Variants in PCSK5 observed in about 807,000 individuals in gnomAD.
The protein encoded by PCSK5 is prohormone convertase 5.
PCSK5 carries 129 observed loss-of-function variants against 233.2 expected under a neutral mutation model. The observed-to-expected ratio is 0.55, with a 90% CI of 0.48 to 0.64. PCSK5 has a LOEUF of 0.64. PCSK5 is among the 30% of genes least tolerant of loss of function. The probability of loss-of-function intolerance (pLI) is 0.00; values close to 1 mark genes in which losing one functional copy is unlikely to be tolerated. For missense variants in PCSK5, 2,076 were observed against 2,430.1 expected (o/e 0.85, Z 3.06); for synonymous variants, 825 against 879.2 (o/e 0.94, Z 1.09).
chr9:76,116,852 G>A (rs573877008), intron 9 of PCSK5, among the ~76,000 whole-genome samples: 1 of 152,170 alleles, frequency 6.6e-6, no homozygotes, highest in Admixed American at 6.6e-5. Flanking sequence ...ACTGTAACGG[G>A]ACATGGTTAA....
At chr9:75,968,538 C>T (rs376526957) in intron 2 of PCSK5, among the ~76,000 whole-genome samples, 4 of 152,162 alleles carry the variant, frequency 2.6e-5, no homozygotes, top group African/African-American at 9.7e-5. Context: ...CAGAGATAAA[C>T]ATAGTGTGCT....
At chr9:76,098,753 A>C (rs1196606964) in intron 8 of PCSK5, among the ~76,000 whole-genome samples, 1 of 152,234 alleles carries the variant, frequency 6.6e-6, no homozygotes, top group Non-Finnish European at 1.5e-5. Flanking sequence ...TCAAAGAAGA[A>C]GGAAAGGTGG....
At chr9:75,950,211 T>C (rs185065301) in intron 2 of PCSK5, among the ~76,000 whole-genome samples, 1 of 151,518 alleles carries the variant, frequency 6.6e-6, no homozygotes, top group East Asian at 1.9e-4. Context: ...GGCCTTTTAT[T>C]TATTTGTTTT....
intron 3 of PCSK5, among the ~76,000 whole-genome samples, chr9:76,022,229 C>T (rs1278379039): frequency 6.6e-6 from 1 of 152,182 alleles, no homozygotes; most frequent in African/African-American, 2.4e-5. Flanking sequence ...TTCTGTGTCT[C>T]GCCTTTAGGA....
intron 20 of PCSK5, chr9:76,195,561 A>G (rs969392838): frequency 9.2e-5 from 14 of 152,174 alleles, no homozygotes; most frequent in Non-Finnish European, 1.9e-4. Context: ...TAATGCTTTC[A>G]AAGTTTAAGT....
intron 1 of PCSK5, among the ~76,000 whole-genome samples, chr9:75,899,521 C>A (rs1825939859): frequency 6.6e-6 from 1 of 152,130 alleles, no homozygotes; most frequent in Admixed American, 6.5e-5. Flanking sequence ...TACCCTTTGA[C>A]CTACATCTCC....
intron 20 of PCSK5, among the ~76,000 whole-genome samples, chr9:76,192,282 G>GAATC (rs1824430576): frequency 6.6e-6 from 1 of 152,058 alleles, no homozygotes; most frequent in South Asian, 2.1e-4. Flanking sequence ...GGGAAAAGAA[G>GAATC]AATCATATCT....
chr9:76,275,945 C>G (rs1015535176), intron 24 of PCSK5, among the ~76,000 whole-genome samples: 2 of 152,206 alleles, frequency 1.3e-5, no homozygotes, highest in Non-Finnish European at 2.9e-5. Context: ...ATACTCGTTA[C>G]AGTATCCAAA....
chr9:76,171,907 G>T (rs1342580765), intron 13 of PCSK5, among the ~76,000 whole-genome samples: 2 of 152,118 alleles, frequency 1.3e-5, no homozygotes, highest in East Asian at 3.9e-4. Flanking sequence ...CTTTAGTAAG[G>T]GACTTTGAGT....
intron 1 of PCSK5, among the ~76,000 whole-genome samples, chr9:75,896,756 T>C (rs568155265): frequency 6.6e-6 from 1 of 152,286 alleles, no homozygotes; most frequent in South Asian, 2.1e-4. Context: ...TACACAGATA[T>C]GTATGTGTGT....
intron 1 of PCSK5, among the ~76,000 whole-genome samples, chr9:75,929,564 C>T (rs1419166993): frequency 6.6e-6 from 1 of 152,076 alleles, no homozygotes; most frequent in Admixed American, 6.6e-5. Context: ...CCTCTCCCTC[C>T]AGCTGCAGTA....
At chr9:76,063,117 C>T (rs925366403) in intron 5 of PCSK5, among the ~76,000 whole-genome samples, 12 of 151,348 alleles carry the variant, frequency 7.9e-5, no homozygotes, top group African/African-American at 2.7e-4. Flanking sequence ...CTGAGAATGT[C>T]AGGATTTAAT....
chr9:76,254,301 T>C (rs994207521), intron 24 of PCSK5, among the ~76,000 whole-genome samples: 13 of 152,218 alleles, frequency 8.5e-5, no homozygotes, highest in African/African-American at 3.1e-4. Context: ...GTTGCTGGCA[T>C]ATTCTGAGCT....
chr9:76,118,680 G>T (rs1210538073), intron 9 of PCSK5, among the ~76,000 whole-genome samples: 1 of 150,870 alleles, frequency 6.6e-6, no homozygotes, highest in Non-Finnish European at 1.5e-5. Context: ...GTATTATTTT[G>T]ATAATATCTT....
intron 7 of PCSK5, among the ~76,000 whole-genome samples, chr9:76,081,416 T>C (rs1018909181): frequency 1.3e-5 from 2 of 151,982 alleles, no homozygotes; most frequent in African/African-American, 2.4e-5. Flanking sequence ...ATTGCGCCAT[T>C]GCACTCCAGC....
chr9:76,109,099 G>A (rs1363483332), intron 9 of PCSK5, among the ~76,000 whole-genome samples: 1 of 152,160 alleles, frequency 6.6e-6, no homozygotes, highest in African/African-American at 2.4e-5. Context: ...GTTTAGCAAG[G>A]AACTGGCACT....
At chr9:75,975,676 C>T (rs974681013) in intron 2 of PCSK5, among the ~76,000 whole-genome samples, 1 of 152,112 alleles carries the variant, frequency 6.6e-6, no homozygotes, top group Non-Finnish European at 1.5e-5. Flanking sequence ...AGAACAAAAA[C>T]CCATTAAGTG....
At chr9:76,028,172 G>A (rs960738487) in intron 5 of PCSK5, among the ~76,000 whole-genome samples, 1 of 152,290 alleles carries the variant, frequency 6.6e-6, no homozygotes, top group East Asian at 1.9e-4. Flanking sequence ...ATTGCTATAG[G>A]TAGAATTTTC....
intron 3 of PCSK5, 111 bp from the exon 4 acceptor site, chr9:76,023,627 C>T (rs1828292881): frequency 1.0e-6 from 1 of 989,058 alleles, no homozygotes; most frequent in Non-Finnish European, 1.5e-6. Flanking sequence ...CACACTACTA[C>T]ACTCCAGCCT....
Sources: gnomAD v4.1 joint callset for allele counts (sites outside exome capture counted in the v4.1 genomes callset) on GRCh38, gnomAD v4.1.1 for gene constraint, MANE v1.5 for transcripts, NCBI Gene and HGNC (gene_info 2026-07-23, HGNC 2026-07-21) for gene names.